Variants in CARMIL1 observed in about 807,000 individuals in gnomAD.
CARMIL1 encodes capping protein regulator and myosin 1 linker 1.
In CARMIL1, 90 loss-of-function variants were observed where a neutral mutation model predicts 177.1. That is an observed-to-expected ratio of 0.51 (90% CI 0.43 to 0.61). The LOEUF is 0.61. CARMIL1 is among the 20% of genes least tolerant of loss of function. CARMIL1 has a pLI of 0.00. For synonymous variants in CARMIL1, 577 were observed against 606.2 expected (o/e 0.95, Z 0.71); for missense variants, 1,380 against 1,667.0 (o/e 0.83, Z 3.00).
chr6:25,568,911 T>G (rs1811811986), intron 29 of CARMIL1, among the ~76,000 whole-genome samples: 1 of 152,204 alleles, frequency 6.6e-6, no homozygotes, highest in Non-Finnish European at 1.5e-5. Context: ...AGCTAAGAGA[T>G]TGCCCTCATT....
intron 2 of CARMIL1, among the ~76,000 whole-genome samples, chr6:25,335,661 G>C (rs561836507): frequency 1.3e-5 from 2 of 152,308 alleles, no homozygotes; most frequent in East Asian, 1.9e-4. Context: ...GTACAAGAAG[G>C]GTTCTTACAG....
chr6:25,396,707 A>AT (rs915558886), intron 2 of CARMIL1, among the ~76,000 whole-genome samples: 2 of 152,026 alleles, frequency 1.3e-5, no homozygotes, highest in African/African-American at 2.4e-5. Flanking sequence ...AACTTTGTTT[A>AT]TTTTTTTGTA....
intron 2 of CARMIL1, among the ~76,000 whole-genome samples, chr6:25,400,915 A>G (rs759622006): frequency 2.2e-4 from 34 of 152,222 alleles, no homozygotes; most frequent in Non-Finnish European, 4.7e-4. Flanking sequence ...AGACTCATTG[A>G]GAAGACCAGG....
chr6:25,442,760 G>A (rs908319455), intron 5 of CARMIL1, among the ~76,000 whole-genome samples: 7 of 152,080 alleles, frequency 4.6e-5, no homozygotes, highest in African/African-American at 1.4e-4. Context: ...GTAAAGAAGC[G>A]GAGCTACTTG....
At chr6:25,374,202 T>C (rs140674690) in intron 2 of CARMIL1, among the ~76,000 whole-genome samples, 46 of 152,382 alleles carry the variant, frequency 3.0e-4, no homozygotes, top group African/African-American at 1.1e-3. Flanking sequence ...CTGCTCTTGC[T>C]GTATCCCAGA....
chr6:25,426,494 A>G lies in CARMIL1; in HGVS notation c.190-7A>G. ...TCTTTTCTTTCCTCCTTTCCCCTCA[A>G]TTGCAGCTCGAGTTAACCTTCAGCT... On this transcript the variant is annotated splice_region_variant and splice_polypyrimidine_tract_variant and intron_variant, in intron 3 of 36. Coordinates refer to ENST00000329474, the MANE Select transcript of CARMIL1 (RefSeq NM_017640.6). 1 of 1,608,206 alleles carries G rather than the reference A, an allele frequency of 6.2e-7. No individual in the cohort carries two copies.
chr6:25,364,672 T>C (rs1789585776), intron 2 of CARMIL1, among the ~76,000 whole-genome samples: 1 of 152,172 alleles, frequency 6.6e-6, no homozygotes, highest in Non-Finnish European at 1.5e-5. Flanking sequence ...CAAATGATTC[T>C]CCTGCCTCAG....
At position 25,433,928 on chromosome 6, in the gene CARMIL1, G is replaced by A. The variant is rs539816872; in HGVS notation, c.250-1555G>A. On this transcript the variant is annotated intron_variant, in intron 4 of 36. Transcript: ENST00000329474. Reference sequence around the variant, plus strand: ...CAGTTTGGGCTAATTTCAGGAAAATGTAAGGCAAAATCTAAAAACTGCATT... The same window carrying A: ...CAGTTTGGGCTAATTTCAGGAAAATATAAGGCAAAATCTAAAAACTGCATT... Among the ~76,000 whole-genome samples the A allele has an allele frequency of 8.5e-5, 13 of 152,288 alleles. No individual in the cohort carries two copies. The South Asian group carries it at 2.5e-3, about 29-fold the overall frequency.
At chr6:25,506,153 C>T (rs956070309) in intron 17 of CARMIL1, among the ~76,000 whole-genome samples, 2 of 152,252 alleles carry the variant, frequency 1.3e-5, no homozygotes, top group Non-Finnish European at 2.9e-5. Context: ...CCTATCACTT[C>T]CCTGTCAGGC....
At chr6:25,472,588 C>T in intron 11 of CARMIL1, 67 bp downstream of exon 11, 1 of 1,308,832 alleles carries the variant, frequency 7.6e-7, no homozygotes, top group Non-Finnish European at 1.1e-6. Context: ...TTAATTTAGC[C>T]ATGCCTGAAG....
At chr6:25,533,694 A>G (rs1187638359) in intron 24 of CARMIL1, among the ~76,000 whole-genome samples, 2 of 151,848 alleles carry the variant, frequency 1.3e-5, no homozygotes, top group Non-Finnish European at 2.9e-5. Flanking sequence ...TTCTCTTTTC[A>G]TATCCCCAAT....
intron 2 of CARMIL1, among the ~76,000 whole-genome samples, chr6:25,401,860 T>C (rs965586137): frequency 3.3e-5 from 5 of 152,112 alleles, no homozygotes; most frequent in Non-Finnish European, 7.4e-5. Context: ...AGGGACGTTG[T>C]TGGGACATGT....
intron 2 of CARMIL1, among the ~76,000 whole-genome samples, chr6:25,411,292 C>T (rs1264815843): frequency 6.6e-6 from 1 of 152,052 alleles, no homozygotes; most frequent in East Asian, 1.9e-4. Flanking sequence ...CCTCATGGAC[C>T]CTGTGGGCCT....
At chr6:25,327,188 G>C (rs1051189145) in intron 2 of CARMIL1, among the ~76,000 whole-genome samples, 1 of 152,028 alleles carries the variant, frequency 6.6e-6, no homozygotes, top group African/African-American at 2.4e-5. Flanking sequence ...CAAGGAGAGA[G>C]GGTGCAAGAG....
intron 11 of CARMIL1, among the ~76,000 whole-genome samples, chr6:25,478,646 A>G (rs1322336427): frequency 6.6e-6 from 1 of 152,110 alleles, no homozygotes; most frequent in East Asian, 1.9e-4. Context: ...AATACAAAAA[A>G]TTAGCCGAGC....
At chr6:25,480,925 T>G (rs1802066835) in intron 11 of CARMIL1, among the ~76,000 whole-genome samples, 1 of 151,948 alleles carries the variant, frequency 6.6e-6, no homozygotes, top group Non-Finnish European at 1.5e-5. Context: ...TTTCACCGTG[T>G]TAGCCAGGAT....
At chr6:25,442,363 A>T (rs1347625593) in intron 5 of CARMIL1, among the ~76,000 whole-genome samples, 1 of 151,478 alleles carries the variant, frequency 6.6e-6, no homozygotes, top group African/African-American at 2.4e-5. Flanking sequence ...CATGTGAGAG[A>T]CATGTCTTGC....
At chr6:25,508,914 T>C (rs1805198756) in intron 17 of CARMIL1, among the ~76,000 whole-genome samples, 1 of 152,204 alleles carries the variant, frequency 6.6e-6, no homozygotes, top group Admixed American at 6.5e-5. Context: ...CTATAAAGTA[T>C]GCTTTGGTTT....
chr6:25,498,300 T>C (rs1803943701), intron 16 of CARMIL1, among the ~76,000 whole-genome samples: 1 of 152,224 alleles, frequency 6.6e-6, no homozygotes, highest in Admixed American at 6.5e-5. Flanking sequence ...TGATTGAGGA[T>C]CTAGAAGATG....
Sources: allele counts gnomAD v4.1 joint callset (sites outside exome capture counted in the v4.1 genomes callset), GRCh38; gene constraint gnomAD v4.1.1; transcripts MANE v1.5; gene names NCBI Gene and HGNC (gene_info 2026-07-23, HGNC 2026-07-21).